CTSC: variants seen among roughly 807,000 people sequenced by gnomAD.
CTSC encodes the protein dipeptidyl peptidase 1.
In CTSC, 37 loss-of-function variants were observed where a neutral mutation model predicts 40.9. The observed-to-expected ratio is 0.91, with a 90% CI of 0.70 to 1.19. CTSC has a LOEUF of 1.19. Ranked by LOEUF, CTSC falls within the 50% of genes most tolerant of loss-of-function variation. CTSC has a pLI of 0.00. For missense variants in CTSC, 594 were observed against 567.3 expected (o/e 1.05, Z -0.48); for synonymous variants, 232 against 207.4 (o/e 1.12, Z -1.02).
chr11:88,312,631 C>T, intron 2 of CTSC, 77 bp from the exon 3 acceptor site: 1 of 1,479,112 alleles, frequency 6.8e-7, no homozygotes, highest in African/African-American at 1.8e-5. Context: ...GGCTCTCATT[C>T]ACAGTAAATG....
intron 2 of CTSC, among the ~76,000 whole-genome samples, chr11:88,330,638 G>A (rs771624315): frequency 3.9e-4 from 60 of 152,010 alleles, no homozygotes; most frequent in Admixed American, 1.0e-3. Flanking sequence ...ATGAGTCACC[G>A]TGCCTGGCTG....
intron 2 of CTSC, among the ~76,000 whole-genome samples, chr11:88,319,973 A>G (rs1937961757): frequency 6.6e-6 from 1 of 152,172 alleles, no homozygotes; most frequent in Non-Finnish European, 1.5e-5. Flanking sequence ...AATTACCTCC[A>G]TTTGCTGTCA....
Position 88,337,547 on chromosome 11 carries a change from C to T in CTSC, c.126G>A (p.Gln42=). 2.5e-6 allele frequency: 4 copies of T among 1,577,380 alleles called. No homozygotes were observed. In the South Asian group the frequency reaches 4.6e-5, roughly 18 times the overall value. The stretch of plus-strand genomic sequence containing the variant: ...CGCGCTGGGAACCGCTGGAGCCCAC[C>T]TGGAAGACCCAGGTGCCCAGCAGGT... ...YLDLLGTWVF[Q]VGSSGSQRDV... Residue 42 remains glutamine (Q), a synonymous_variant, in exon 1 of 7, where the codon CAG becomes CAA. Coordinates refer to ENST00000227266, the MANE Select transcript of CTSC (RefSeq NM_001814.6).
intron 2 of CTSC, chr11:88,328,280 G>A: frequency 1.1e-6 from 1 of 932,280 alleles, no homozygotes; most frequent in Non-Finnish European, 1.7e-6. Flanking sequence ...TAGTTAGGCA[G>A]GCACTCAGTG....
Position 88,326,195 on chromosome 11 carries a change from T to C in CTSC, c.318+8742A>G, listed in dbSNP as rs1591239872. 5.0e-6 allele frequency: 7 copies of C among 1,386,866 alleles called. No individual in the cohort carries two copies. The East Asian group carries it at 1.3e-4, about 25-fold the overall frequency. 85.9% of individuals were successfully genotyped at this position (1,386,866 alleles called of 1,614,324 possible). On this transcript the variant is annotated intron_variant, in intron 2 of 6. Coordinates refer to ENST00000227266, the MANE Select transcript of CTSC (RefSeq NM_001814.6). ...CCTGTGTAGTCTCTGGTTGTTCACA[T>C]TCCAAAATGATGTTTACTGTTTTCC...
chr11:88,306,449 C>T (rs374288891), intron 4 of CTSC, among the ~76,000 whole-genome samples: 11 of 151,608 alleles, frequency 7.3e-5, no homozygotes, highest in African/African-American at 2.4e-4. Flanking sequence ...ATCCTTCCCC[C>T]ATATAAACCC....
intron 6 of CTSC, 71 bp downstream of exon 6, chr11:88,296,055 TCCTTTTG>T: frequency 6.7e-7 from 1 of 1,481,940 alleles, no homozygotes; most frequent in Non-Finnish European, 9.4e-7. Context: ...TACTGCATCA[TCCTTTTG>T]CCTTTGCCAA....
intron 2 of CTSC, chr11:88,327,837 C>T (rs1023981667): frequency 1.1e-5 from 5 of 449,602 alleles, no homozygotes; most frequent in East Asian, 4.5e-5. Context: ...TTACCCTTTT[C>T]GGTTCACGTC....
intron 2 of CTSC, chr11:88,328,045 T>A: frequency 1.0e-6 from 1 of 988,454 alleles, no homozygotes; most frequent in Admixed American, 1.7e-5. Flanking sequence ...TTAATTTGCA[T>A]AAGCCATCAG....
At chr11:88,324,462 G>A in intron 2 of CTSC, 2 of 980,078 alleles carry the variant, frequency 2.0e-6, no homozygotes, top group Non-Finnish European at 2.4e-6. Context: ...CAAAAAAGAT[G>A]TATATGGCAC....
At chr11:88,301,804 ACG>A (rs144184525) in intron 4 of CTSC, among the ~76,000 whole-genome samples, 4,606 of 91,122 alleles carry the variant, frequency 0.051, 213 homozygotes, top group African/African-American at 0.12. Context: ...ACACAAACAC[ACG>A]CGCGCACACA....
intron 5 of CTSC, 84 bp from the exon 6 acceptor site, chr11:88,296,348 C>T (rs1354134617): frequency 1.3e-6 from 2 of 1,522,536 alleles, no homozygotes; most frequent in Non-Finnish European, 9.1e-7. Flanking sequence ...GAATCACATA[C>T]ATTAATGTTT....
intron 1 of CTSC, among the ~76,000 whole-genome samples, chr11:88,336,079 G>A (rs1371384291): frequency 6.6e-6 from 1 of 152,094 alleles, no homozygotes; most frequent in South Asian, 2.1e-4. Flanking sequence ...AATTTTATAG[G>A]CAGAGCCTTC....
intron 2 of CTSC, among the ~76,000 whole-genome samples, chr11:88,315,674 G>A (rs1937860285): frequency 6.6e-6 from 1 of 151,726 alleles, no homozygotes; most frequent in Non-Finnish European, 1.5e-5. Context: ...AGTCTTGGGG[G>A]ACAAAAAAAA....
At chr11:88,311,758 TAAG>T (rs1050675569) in intron 3 of CTSC, among the ~76,000 whole-genome samples, 8 of 152,238 alleles carry the variant, frequency 5.3e-5, no homozygotes, top group Admixed American at 3.3e-4. Context: ...GATGCCCTTA[TAAG>T]AAGAGGACAT....
At chr11:88,306,614 G>A (rs1368920949) in intron 4 of CTSC, among the ~76,000 whole-genome samples, 2 of 152,146 alleles carry the variant, frequency 1.3e-5, no homozygotes, top group Non-Finnish European at 2.9e-5. Context: ...TGGACTCCAG[G>A]GGAAGAACAC....
chr11:88,308,202 G>A (rs991463059), intron 4 of CTSC, among the ~76,000 whole-genome samples: 2 of 152,182 alleles, frequency 1.3e-5, no homozygotes, highest in African/African-American at 4.8e-5. Context: ...AGCTAACTTT[G>A]GAAGTCATTT....
chr11:88,310,319 T>C lies in CTSC; in HGVS notation c.486-1001A>G, dbSNP rs1014755477. 2.6e-5 allele frequency among the ~76,000 whole-genome samples: 4 copies of C among 152,060 alleles called. No individual in the cohort carries two copies. In the East Asian group the frequency reaches 7.7e-4, roughly 29 times the overall value. On this transcript the variant is annotated intron_variant, in intron 3 of 6. Transcript: ENST00000227266. The stretch of plus-strand genomic sequence containing the variant: ...ACACACAAAGAGCATATTTACAAAG[T>C]AGAAAAATTCAGGAAGCTGATTATT...
intron 2 of CTSC, among the ~76,000 whole-genome samples, chr11:88,334,003 C>G (rs376417287): frequency 2.4e-4 from 36 of 152,308 alleles, no homozygotes; most frequent in Admixed American, 5.2e-4. Context: ...CAAACCACAA[C>G]TCCCATGAGA....
Sources: gnomAD v4.1 joint callset for allele counts (sites outside exome capture counted in the v4.1 genomes callset) on GRCh38, gnomAD v4.1.1 for gene constraint, MANE v1.5 for transcripts, NCBI Gene and HGNC (gene_info 2026-07-23, HGNC 2026-07-21) for gene names.